Variants in SLIT3 observed in about 807,000 individuals in gnomAD.
The protein encoded by SLIT3 is slit homolog 3 protein.
A neutral mutation model predicts 184.0 loss-of-function variants in SLIT3; 68 were observed. The observed-to-expected ratio is 0.37, with a 90% CI of 0.30 to 0.45. The LOEUF is 0.45. SLIT3 is among the 20% of genes least tolerant of loss of function. SLIT3 has a pLI of 1.00. For synonymous variants in SLIT3, 831 were observed against 828.6 expected (o/e 1.00, Z -0.05); for missense variants, 1,707 against 2,026.0 (o/e 0.84, Z 3.02).
At chr5:169,244,843 A>T in intron 2 of SLIT3, 67 bp from the exon 3 acceptor site, 1 of 1,382,372 alleles carries the variant, frequency 7.2e-7, no homozygotes, top group Non-Finnish European at 1.0e-6. Context: ...ACTAGGCTTC[A>T]TGCCATGCAG....
chr5:169,038,757 G>C (rs1404761035), intron 4 of SLIT3, among the ~76,000 whole-genome samples: 5 of 141,998 alleles, frequency 3.5e-5, no homozygotes, highest in Admixed American at 3.5e-4. Flanking sequence ...TCCACAGCCT[G>C]CGTTCTATGG....
chr5:169,011,766 C>A (rs960719277), intron 4 of SLIT3, among the ~76,000 whole-genome samples: 10 of 152,188 alleles, frequency 6.6e-5, no homozygotes, highest in Admixed American at 2.0e-4. Context: ...AGCAAATGTG[C>A]TGCAGCTGTT....
Position 169,130,480 on chromosome 5 carries a change from C to T in SLIT3, c.413+62999G>A, listed in dbSNP as rs372698709. On this transcript the variant is annotated intron_variant, in intron 4 of 35. Coordinates refer to ENST00000519560, the MANE Select transcript of SLIT3 (RefSeq NM_003062.4). ...CTTAAATTCACAGAATGTCCATTTC[C>T]TCATATGTAAAAATGAAAATAATAA... Among the ~76,000 whole-genome samples, 42 of 152,280 alleles carry T rather than the reference C, an allele frequency of 2.8e-4. 2 individuals are homozygous for T. The East Asian group carries it at 5.4e-3, about 20-fold the overall frequency.
chr5:168,834,784 A>C (rs1382766594), intron 6 of SLIT3, among the ~76,000 whole-genome samples: 1 of 150,330 alleles, frequency 6.7e-6, no homozygotes, highest in Non-Finnish European at 1.5e-5. Flanking sequence ...GCTAGAAAAG[A>C]CACTGTTTAA....
intron 14 of SLIT3, among the ~76,000 whole-genome samples, chr5:168,769,039 T>C (rs1279480733): frequency 6.6e-6 from 1 of 152,174 alleles, no homozygotes; most frequent in Admixed American, 6.5e-5. Context: ...CGCCTCCTGA[T>C]GAAGGGCCTC....
At position 168,748,509 on chromosome 5, in the gene SLIT3, G is replaced by A. The variant is rs992609991; in HGVS notation, c.2138-75C>T. 1.0e-5 allele frequency: 14 copies of A among 1,398,664 alleles called. No homozygotes were observed. In the South Asian group the frequency reaches 1.6e-4, roughly 16 times the overall value. The allele number at this position is 1,398,664 out of a possible 1,614,324, so 86.6% of individuals were successfully genotyped here. On this transcript the variant is annotated intron_variant, in intron 19 of 35. Transcript: ENST00000519560. ...AGGGGGAGCCAGTGAGCAAGGCTGC[G>A]TGTTCTCCACAAAGACAAGTTGTCC...
chr5:168,986,519 C>T (rs1269875273), intron 4 of SLIT3, among the ~76,000 whole-genome samples: 1 of 152,176 alleles, frequency 6.6e-6, no homozygotes, highest in Non-Finnish European at 1.5e-5. Context: ...CATCCAGGCC[C>T]CCATCTCCAT....
chr5:169,164,097 G>A (rs1762559229), intron 4 of SLIT3, among the ~76,000 whole-genome samples: 1 of 152,152 alleles, frequency 6.6e-6, no homozygotes, highest in South Asian at 2.1e-4. Context: ...AACATGTTTT[G>A]TCTGCTCCTT....
intron 4 of SLIT3, among the ~76,000 whole-genome samples, chr5:169,163,378 C>A (rs1032696145): frequency 1.3e-5 from 2 of 152,154 alleles, no homozygotes; most frequent in African/African-American, 4.8e-5. Context: ...ATGACTTTCA[C>A]TTTGAACGTG....
chr5:168,774,195 C>G, intron 13 of SLIT3, 40 bp downstream of exon 13: 1 of 1,562,264 alleles, frequency 6.4e-7, no homozygotes, highest in Admixed American at 1.9e-5. Flanking sequence ...GGGTCTCCTG[C>G]TGCTTGGGCA....
chr5:169,001,890 A>T (rs1230280230), intron 4 of SLIT3, among the ~76,000 whole-genome samples: 1 of 152,076 alleles, frequency 6.6e-6, no homozygotes, highest in Non-Finnish European at 1.5e-5. Flanking sequence ...TGACATACAG[A>T]ATTGCAGGGC....
At chr5:169,227,187 G>C (rs1010976015) in intron 3 of SLIT3, among the ~76,000 whole-genome samples, 3 of 152,188 alleles carry the variant, frequency 2.0e-5, no homozygotes, top group Non-Finnish European at 4.4e-5. Context: ...CATGAGGTAG[G>C]GAATAGCTGA....
chr5:168,710,355 A>C (rs536943115), intron 25 of SLIT3, among the ~76,000 whole-genome samples: 2 of 152,380 alleles, frequency 1.3e-5, no homozygotes, highest in South Asian at 4.1e-4. Context: ...CAAACTCAGT[A>C]GTAGTTTGTT....
intron 4 of SLIT3, among the ~76,000 whole-genome samples, chr5:168,890,559 G>A (rs186179823): frequency 6.6e-6 from 1 of 152,182 alleles, no homozygotes. Context: ...AATTTAAAGT[G>A]AGAATAGAAT....
At chr5:168,757,626 G>A (rs969333044) in intron 16 of SLIT3, among the ~76,000 whole-genome samples, 2 of 151,714 alleles carry the variant, frequency 1.3e-5, no homozygotes, top group African/African-American at 4.8e-5. Flanking sequence ...TAGTAGAGAC[G>A]GGGTTTCACC....
At chr5:169,170,150 C>T (rs555287242) in intron 4 of SLIT3, among the ~76,000 whole-genome samples, 1 of 152,342 alleles carries the variant, frequency 6.6e-6, no homozygotes, top group Non-Finnish European at 1.5e-5. Flanking sequence ...ATCACACTGA[C>T]ACCCACATTT....
intron 5 of SLIT3, among the ~76,000 whole-genome samples, chr5:168,859,954 T>C (rs765410767): frequency 1.3e-5 from 2 of 151,660 alleles, no homozygotes; most frequent in Non-Finnish European, 2.9e-5. Context: ...CCTACTTACT[T>C]ATCTATGATC....
chr5:168,768,402 C>T (rs1413682820), intron 14 of SLIT3: 2 of 377,502 alleles, frequency 5.3e-6, no homozygotes, highest in African/African-American at 3.1e-5. Flanking sequence ...AAGATTGCAG[C>T]CCTGCTGCCC....
At chr5:169,081,084 G>T (rs36113577) in intron 4 of SLIT3, among the ~76,000 whole-genome samples, 1 of 152,144 alleles carries the variant, frequency 6.6e-6, no homozygotes, top group Non-Finnish European at 1.5e-5. Context: ...TGGCCTGGGG[G>T]AACAGGGAAG....
Sources: allele counts gnomAD v4.1 joint callset (sites outside exome capture counted in the v4.1 genomes callset), GRCh38; gene constraint gnomAD v4.1.1; transcripts MANE v1.5; gene names NCBI Gene and HGNC (gene_info 2026-07-23, HGNC 2026-07-21).